The following DENND4C variants were observed in gnomAD, a reference collection of about 807,000 sequenced individuals.
DENND4C encodes the protein DENN domain-containing protein 4C.
In DENND4C, 108 loss-of-function variants were observed where a neutral mutation model predicts 203.0. That is an observed-to-expected ratio of 0.53 (90% CI 0.46 to 0.62). The LOEUF (loss-of-function observed/expected upper bound fraction) is 0.62. DENND4C is among the 20% of genes least tolerant of loss of function. The pLI is 0.00. For missense variants in DENND4C, 2,481 were observed against 2,301.2 expected, an observed-to-expected ratio of 1.08 and a Z score of -1.60; for synonymous variants, 871 against 792.4, an observed-to-expected ratio of 1.10 and a Z score of -1.67.
chr9:19,307,633 G>A (rs1839950280), intron 10 of DENND4C, among the ~76,000 whole-genome samples: 1 of 151,562 alleles, frequency 6.6e-6, no homozygotes, highest in Non-Finnish European at 1.5e-5. Flanking sequence ...AGCCAGGCAT[G>A]GTGGTGGGCG....
At chr9:19,256,327 G>C (rs1439483973) in intron 1 of DENND4C, among the ~76,000 whole-genome samples, 4 of 39,602 alleles carry the variant, frequency 1.0e-4, no homozygotes, top group Non-Finnish European at 1.7e-4. Flanking sequence ...TTTTTTTTTT[G>C]AGATGGAGTT....
At chr9:19,354,495 A>G (rs1824905440) in intron 26 of DENND4C, among the ~76,000 whole-genome samples, 1 of 147,508 alleles carries the variant, frequency 6.8e-6, no homozygotes, top group Non-Finnish European at 1.5e-5. Flanking sequence ...CATTGTTTGA[A>G]TTTCTCTTGA....
At chr9:19,267,023 G>C (rs551908331) in intron 1 of DENND4C, among the ~76,000 whole-genome samples, 20 of 152,080 alleles carry the variant, frequency 1.3e-4, no homozygotes, top group Admixed American at 4.6e-4. Context: ...ACTTTTTGTG[G>C]CCTAATAGAT....
At chr9:19,360,704 C>T (rs1588986959) in intron 29 of DENND4C, among the ~76,000 whole-genome samples, 1 of 152,170 alleles carries the variant, frequency 6.6e-6, no homozygotes, top group East Asian at 1.9e-4. Flanking sequence ...TTTCCAAGTT[C>T]TGCTTTTGGT....
intron 1 of DENND4C, among the ~76,000 whole-genome samples, chr9:19,252,628 T>C (rs1417434406): frequency 6.6e-6 from 1 of 152,188 alleles, no homozygotes; most frequent in African/African-American, 2.4e-5. Flanking sequence ...CCTTTCAATG[T>C]GGTTGTGTTA....
rs777693311 is a variant in DENND4C at position 19,342,646 on chromosome 9, C to T, written c.3018C>T (p.Ala1006=). The change falls in exon 22 of 33, where the codon GCC becomes GCT. Residue 1006 remains alanine (A), a synonymous_variant. Coordinates refer to ENST00000434457, the MANE Select transcript of DENND4C (RefSeq NM_001330640.2). ...ATTTTTTTCCAGAGGTGTGTGATGC[C>T]TCTGCTATTGTGGCAAAACATTCAC... ...TKMQTEEVCD[A]SAIVAKHSQP... 6.2e-7 allele frequency: 1 copy of T among 1,602,580 alleles called. No individual in the cohort carries two copies. The highest frequency in any genetic ancestry group is 1.1e-5 in the South Asian group (1 of 88,234).
At chr9:19,252,093 T>A (rs1479166159) in intron 1 of DENND4C, among the ~76,000 whole-genome samples, 4 of 152,158 alleles carry the variant, frequency 2.6e-5, no homozygotes, top group African/African-American at 4.8e-5. Context: ...ACTGGGCAAT[T>A]TACAAAGGAA....
intron 1 of DENND4C, among the ~76,000 whole-genome samples, chr9:19,274,662 G>A (rs1003286926): frequency 5.9e-5 from 9 of 152,120 alleles, no homozygotes; most frequent in Non-Finnish European, 1.3e-4. Flanking sequence ...GCTCTATCTG[G>A]TATTTTTAGA....
intron 2 of DENND4C, among the ~76,000 whole-genome samples, chr9:19,285,393 C>G (rs1834989133): frequency 6.6e-6 from 1 of 152,086 alleles, no homozygotes; most frequent in South Asian, 2.1e-4. Context: ...CAGCTACCAC[C>G]ACAATTAATT....
chr9:19,240,922 C>T (rs1052403365), intron 1 of DENND4C, among the ~76,000 whole-genome samples: 14 of 152,292 alleles, frequency 9.2e-5, no homozygotes, highest in Admixed American at 7.2e-4. Context: ...GAGATCACGC[C>T]ACTGCACTCC....
intron 9 of DENND4C, among the ~76,000 whole-genome samples, chr9:19,303,714 A>G (rs1839062348): frequency 6.6e-6 from 1 of 152,228 alleles, no homozygotes; most frequent in Non-Finnish European, 1.5e-5. Context: ...AGGGGTAGTA[A>G]GCGTTATAGG....
chr9:19,297,362 G>A (rs1207033634), intron 6 of DENND4C, among the ~76,000 whole-genome samples: 1 of 152,110 alleles, frequency 6.6e-6, no homozygotes, highest in African/African-American at 2.4e-5. Flanking sequence ...TTGAAATATG[G>A]TTGCAACTTT....
At chr9:19,239,471 T>C (rs2131419280) in intron 1 of DENND4C, among the ~76,000 whole-genome samples, 1 of 141,358 alleles carries the variant, frequency 7.1e-6, no homozygotes, top group African/African-American at 2.8e-5. Flanking sequence ...ATTTATATTC[T>C]TTTTTTTTTT....
chr9:19,287,432 C>G (rs536587299), intron 3 of DENND4C, among the ~76,000 whole-genome samples: 1 of 151,972 alleles, frequency 6.6e-6, no homozygotes, highest in Admixed American at 6.6e-5. Flanking sequence ...GGCTGGAGTA[C>G]AGTGGTGCAA....
Position 19,373,564 on chromosome 9 carries a change from A to T in DENND4C, c.*1391A>T, listed in dbSNP as rs1829187150. 1 of 152,604 alleles carries T rather than the reference A, an allele frequency of 6.6e-6. No homozygotes were observed. Among genetic ancestry groups the T allele is most frequent in the Non-Finnish European group, 1.5e-5 (1 of 68,022 alleles). 9.5% of individuals were successfully genotyped at this position (152,604 alleles called of 1,614,324 possible). On this transcript the variant is annotated 3_prime_UTR_variant, in exon 33 of 33. Transcript: ENST00000434457. ...TTGTAAATACTGTGTTTTTAGGTTGAATCAATTAAGTCTTAAAACTGTAAA... is the reference window on the plus strand; with the variant it reads ...TTGTAAATACTGTGTTTTTAGGTTGTATCAATTAAGTCTTAAAACTGTAAA...
chr9:19,266,806 C>A (rs1361059742), intron 1 of DENND4C, among the ~76,000 whole-genome samples: 7 of 152,178 alleles, frequency 4.6e-5, no homozygotes, highest in African/African-American at 1.7e-4. Flanking sequence ...CCCTTCCTTA[C>A]ACCTTATACA....
At chr9:19,327,996 T>C in intron 15 of DENND4C, 34 bp from the exon 16 acceptor site, 5 of 1,569,750 alleles carry the variant, frequency 3.2e-6, no homozygotes, top group Non-Finnish European at 4.3e-6. Flanking sequence ...TGGTGTGTTT[T>C]AAATCAGCAG....
chr9:19,309,757 A>T (rs1235702324), intron 10 of DENND4C, among the ~76,000 whole-genome samples: 1 of 151,328 alleles, frequency 6.6e-6, no homozygotes, highest in Non-Finnish European at 1.5e-5. Context: ...TTTTTAATTG[A>T]TATCGTAATT....
intron 21 of DENND4C, among the ~76,000 whole-genome samples, chr9:19,342,216 T>C (rs978618512): frequency 6.6e-6 from 1 of 152,110 alleles, no homozygotes; most frequent in South Asian, 2.1e-4. Flanking sequence ...AATCATTTTA[T>C]GAAAACATGG....
Sources: allele counts gnomAD v4.1 joint callset (sites outside exome capture counted in the v4.1 genomes callset), GRCh38; gene constraint gnomAD v4.1.1; transcripts MANE v1.5; gene names NCBI Gene and HGNC (gene_info 2026-07-23, HGNC 2026-07-21).